Variants in MYO3B observed in about 807,000 individuals in gnomAD.
MYO3B encodes the protein myosin-IIIb.
Under a neutral mutation model 174.6 loss-of-function variants are expected in MYO3B, and 156 were observed. The ratio of observed to expected loss-of-function variants is 0.89; its 90% CI spans 0.78 to 1.02. MYO3B has a LOEUF of 1.02. Among genes scored for constraint, MYO3B ranks in the 50% least tolerant of loss-of-function variants. The pLI, the probability that MYO3B is intolerant of heterozygous loss-of-function variation, is 0.00. For synonymous variants in MYO3B, 563 were observed against 569.1 expected (o/e 0.99, Z 0.15); for missense variants, 1,632 against 1,639.4 (o/e 1.00, Z 0.08).
chr2:170,578,698 A>G (rs115625115), intron 32 of MYO3B, among the ~76,000 whole-genome samples: 174 of 152,346 alleles, frequency 1.1e-3, no homozygotes, highest in African/African-American at 4.0e-3. Context: ...CTAACTGCTA[A>G]AAAAATATTT....
intron 12 of MYO3B, 139 bp from the exon 13 acceptor site, chr2:170,386,049 TC>T: frequency 1.6e-6 from 1 of 615,246 alleles, no homozygotes; most frequent in Non-Finnish European, 2.9e-6. Context: ...GAAGAAGGTC[TC>T]TATGTACTGA....
At chr2:170,410,621 C>G (rs569195956) in intron 22 of MYO3B, among the ~76,000 whole-genome samples, 1 of 147,702 alleles carries the variant, frequency 6.8e-6, no homozygotes, top group South Asian at 2.2e-4. Context: ...ACTTGGGAAA[C>G]CTTAGAGGCA....
At chr2:170,297,859 T>C (rs1241637047) in intron 7 of MYO3B, among the ~76,000 whole-genome samples, 1 of 152,154 alleles carries the variant, frequency 6.6e-6, no homozygotes, top group East Asian at 1.9e-4. Context: ...AGCGATACTA[T>C]AGGAATAGCT....
intron 7 of MYO3B, among the ~76,000 whole-genome samples, chr2:170,250,386 C>T (rs552063269): frequency 1.3e-5 from 2 of 152,268 alleles, no homozygotes; most frequent in East Asian, 1.9e-4. Context: ...TGTCTTAAAC[C>T]AGTAGCTTTG....
At chr2:170,519,880 G>C (rs1688559660) in intron 30 of MYO3B, 1 of 204,206 alleles carries the variant, frequency 4.9e-6, no homozygotes, top group African/African-American at 2.4e-5. Context: ...GGCTGAGGCA[G>C]GAGAATCACT....
intron 30 of MYO3B, among the ~76,000 whole-genome samples, chr2:170,540,647 G>A (rs114384594): frequency 0.011 from 1,514 of 144,162 alleles, 25 homozygotes; most frequent in African/African-American, 0.036. Context: ...ATGTCCCTAA[G>A]GCAAAAACAA....
intron 1 of MYO3B, 126 bp downstream of exon 1, chr2:170,178,415 G>A: frequency 8.1e-7 from 1 of 1,229,786 alleles, no homozygotes. Flanking sequence ...CTCTGGCTTT[G>A]GGCCTCTGTC....
At chr2:170,442,152 A>T (rs891815029) in intron 22 of MYO3B, among the ~76,000 whole-genome samples, 4 of 152,092 alleles carry the variant, frequency 2.6e-5, no homozygotes, top group African/African-American at 9.7e-5. Flanking sequence ...TGGAAGTGTT[A>T]TCTCGGAGCT....
At chr2:170,586,928 G>A (rs564678585) in intron 32 of MYO3B, among the ~76,000 whole-genome samples, 1 of 152,296 alleles carries the variant, frequency 6.6e-6, no homozygotes, top group Admixed American at 6.5e-5. Context: ...AAATATTTAA[G>A]AGTTTGTATA....
intron 25 of MYO3B, among the ~76,000 whole-genome samples, chr2:170,475,598 T>C (rs1031168605): frequency 6.6e-6 from 1 of 152,218 alleles, no homozygotes; most frequent in African/African-American, 2.4e-5. Context: ...TTCAGAATAC[T>C]AATCAATCTT....
At chr2:170,337,958 G>C (rs2093956186) in intron 8 of MYO3B, 1 of 152,150 alleles carries the variant, frequency 6.6e-6, no homozygotes, top group African/African-American at 2.4e-5. Flanking sequence ...GCTGTCTCAG[G>C]GTTAGCAGAG....
chr2:170,288,751 G>A (rs1239904284), intron 7 of MYO3B, among the ~76,000 whole-genome samples: 1 of 151,860 alleles, frequency 6.6e-6, no homozygotes, highest in African/African-American at 2.4e-5. Context: ...TTCCAGTGTT[G>A]TATTGAATAA....
chr2:170,223,087 C>T (rs2092918108), intron 6 of MYO3B, among the ~76,000 whole-genome samples: 2 of 152,086 alleles, frequency 1.3e-5, no homozygotes, highest in African/African-American at 4.8e-5. Context: ...GCCCAACACC[C>T]CCAGACTTTT....
chr2:170,204,535 T>C (rs2092695874), intron 3 of MYO3B, among the ~76,000 whole-genome samples: 2 of 152,350 alleles, frequency 1.3e-5, no homozygotes, highest in South Asian at 2.1e-4. Flanking sequence ...ATGACTGTCT[T>C]AGCAAATGCA....
chr2:170,541,089 G>A (rs777171856), intron 30 of MYO3B, among the ~76,000 whole-genome samples: 1 of 152,174 alleles, frequency 6.6e-6, no homozygotes, highest in Non-Finnish European at 1.5e-5. Context: ...AAACAGATAA[G>A]CTGACTCCCT....
At chr2:170,608,283 A>T (rs896530777) in intron 32 of MYO3B, among the ~76,000 whole-genome samples, 1 of 152,218 alleles carries the variant, frequency 6.6e-6, no homozygotes, top group African/African-American at 2.4e-5. Flanking sequence ...CTTACTTGCT[A>T]TGTACCTTCT....
intron 7 of MYO3B, among the ~76,000 whole-genome samples, chr2:170,251,898 A>G (rs1228239646): frequency 1.3e-5 from 2 of 152,166 alleles, no homozygotes; most frequent in Non-Finnish European, 2.9e-5. Flanking sequence ...ACTGGGAGTG[A>G]GTTTTCCTAG....
chr2:170,485,350 CT>C (rs1685970470), intron 25 of MYO3B, among the ~76,000 whole-genome samples: 1 of 151,528 alleles, frequency 6.6e-6, no homozygotes, highest in South Asian at 2.1e-4. Flanking sequence ...ATGATGCCCC[CT>C]CTCTAAAGTA....
At position 170,202,259 on chromosome 2, in the gene MYO3B, C is replaced by T. The variant is rs551562228; in HGVS notation, c.321+1975C>T. Among the ~76,000 whole-genome samples the T allele has an allele frequency of 6.6e-5, 10 of 152,306 alleles. No homozygotes were observed. The South Asian group carries it at 1.0e-3, about 16-fold the overall frequency. ...CCCTGAGACACTGAATTATTCATAC[C>T]TCTGCAATACAATATGCTGTCATTT... On this transcript the variant is annotated intron_variant, in intron 3 of 34. Coordinates refer to ENST00000408978, the MANE Select transcript of MYO3B (RefSeq NM_138995.5).
Sources: gnomAD v4.1 joint callset for allele counts (sites outside exome capture counted in the v4.1 genomes callset) on GRCh38, gnomAD v4.1.1 for gene constraint, MANE v1.5 for transcripts, NCBI Gene and HGNC (gene_info 2026-07-23, HGNC 2026-07-21) for gene names.